PLXNA2: variants seen among roughly 807,000 people sequenced by gnomAD.
The protein encoded by PLXNA2 is plexin A2, also known as plexin-A2.
In PLXNA2, 91 loss-of-function variants were observed where a neutral mutation model predicts 193.5. The observed-to-expected ratio is 0.47, with a 90% CI of 0.40 to 0.56. PLXNA2 has a LOEUF of 0.56. PLXNA2 is among the 20% of genes least tolerant of loss of function. The pLI is 0.00. For synonymous variants in PLXNA2, 997 were observed against 1,027.3 expected, an observed-to-expected ratio of 0.97 and a Z score of 0.56; for missense variants, 1,995 against 2,503.2, an observed-to-expected ratio of 0.80 and a Z score of 4.33.
intron 3 of PLXNA2, among the ~76,000 whole-genome samples, chr1:208,174,954 C>T (rs532560550): frequency 1.3e-5 from 2 of 152,326 alleles, no homozygotes; most frequent in South Asian, 4.1e-4. Context: ...TCTGATACCT[C>T]CCTGGTGCTG....
Position 208,042,132 on chromosome 1 carries a change from C to T in PLXNA2, c.4252G>A (p.Glu1418Lys), listed in dbSNP as rs1664890277. 3 of 1,614,176 alleles carry T rather than the reference C, an allele frequency of 1.9e-6. No homozygotes were observed. Among genetic ancestry groups the T allele is most frequent in the Non-Finnish European group, 2.5e-6 (3 of 1,180,036 alleles). ...AGCAGCTTGGGGTGGTTCTTGTTCT[C>T]CAGGTTCTTATCGATGAGGTCAGAG... ...LLSDLIDKNLENKNHPKLLLR... is the reference protein window; with the variant it reads ...LLSDLIDKNLKNKNHPKLLLR... Residue 1418 changes from glutamate to lysine, a missense_variant, in exon 22 of 32, where the codon GAG (glutamate) becomes AAG (lysine). Transcript: ENST00000367033.
intron 3 of PLXNA2, among the ~76,000 whole-genome samples, chr1:208,154,453 T>C (rs1488315055): frequency 6.6e-6 from 1 of 152,192 alleles, no homozygotes; most frequent in African/African-American, 2.4e-5. Flanking sequence ...CTAGGATTCA[T>C]GTGCTGTTGG....
At chr1:208,160,786 T>A (rs1317917315) in intron 3 of PLXNA2, among the ~76,000 whole-genome samples, 1 of 152,272 alleles carries the variant, frequency 6.6e-6, no homozygotes, top group Non-Finnish European at 1.5e-5. Flanking sequence ...CTATGTCACA[T>A]AATTCATAGA....
At chr1:208,158,389 A>C (rs558730169) in intron 3 of PLXNA2, among the ~76,000 whole-genome samples, 23 of 152,134 alleles carry the variant, frequency 1.5e-4, no homozygotes, top group African/African-American at 4.8e-4. Flanking sequence ...TCTCTCATAC[A>C]TACACATGAC....
intron 3 of PLXNA2, among the ~76,000 whole-genome samples, chr1:208,182,376 T>A (rs908769508): frequency 2.0e-5 from 3 of 152,090 alleles, no homozygotes; most frequent in Non-Finnish European, 4.4e-5. Flanking sequence ...GAGGTTGCAG[T>A]GAGCCCAGAT....
intron 3 of PLXNA2, among the ~76,000 whole-genome samples, chr1:208,152,683 G>A (rs10564394): frequency 0.19 from 26,904 of 139,630 alleles, 3,704 homozygotes; most frequent in East Asian, 0.64. Flanking sequence ...ACACACACAC[G>A]CACACACACA....
At chr1:208,213,966 C>T (rs1473542335) in intron 2 of PLXNA2, among the ~76,000 whole-genome samples, 2 of 152,190 alleles carry the variant, frequency 1.3e-5, no homozygotes, top group Non-Finnish European at 2.9e-5. Flanking sequence ...TTTCCTCTGG[C>T]TCAGAAGCAG....
intron 12 of PLXNA2, among the ~76,000 whole-genome samples, chr1:208,070,461 T>C (rs748098219): frequency 1.3e-5 from 2 of 152,184 alleles, no homozygotes; most frequent in East Asian, 1.9e-4. Context: ...AATGCTGGGA[T>C]TGGGGACTAC....
rs1185841682 is a variant in PLXNA2 at position 208,043,130 on chromosome 1, G to C, written c.3948C>G (p.Asp1316Glu). Residue 1316 changes from aspartate (D) to glutamate (E), a missense_variant, in exon 21 of 32, where the codon GAC becomes GAG. By Grantham distance (45) the Asp-to-Glu change is conservative. This residue lies in a region of PLXNA2 where 1,291 missense variants were observed against 1,673.6 expected (regional missense o/e 0.77). Coordinates refer to ENST00000367033, the MANE Select transcript of PLXNA2 (RefSeq NM_025179.4). The stretch of plus-strand genomic sequence containing the variant: ...GGACTCGCATAGCGTAGGTACGATA[G>C]TCCAGGTAAGGGATTCCTGAGCGGT... ...DLDRSGIPYL[D>E]YRTYAMRVLF... The C allele has an allele frequency of 6.2e-7, 1 of 1,614,174 alleles. No individual in the cohort carries two copies. The highest frequency in any genetic ancestry group is 1.1e-5 in the South Asian group (1 of 91,086).
rs1397614074 is a variant in PLXNA2 at position 208,045,042 on chromosome 1, C to T, written c.3639+25G>A. The T allele has an allele frequency of 3.7e-6, 6 of 1,613,734 alleles. No homozygotes were observed. The African/African-American group carries it at 8.0e-5, about 22-fold the overall frequency. On this transcript the variant is annotated intron_variant, in intron 19 of 31. Coordinates refer to ENST00000367033, the MANE Select transcript of PLXNA2 (RefSeq NM_025179.4). The stretch of plus-strand genomic sequence containing the variant: ...CATGCACCACGAGGCGGGAAGGAGG[C>T]ATTACAGACGCAGGGCTCACTCACC...
chr1:208,080,147 G>C (rs761579051), intron 11 of PLXNA2, among the ~76,000 whole-genome samples: 1 of 152,116 alleles, frequency 6.6e-6, no homozygotes, highest in Non-Finnish European at 1.5e-5. Context: ...GGTTTGAGAC[G>C]GGAGTCAGCT....
intron 1 of PLXNA2, among the ~76,000 whole-genome samples, chr1:208,218,967 G>A (rs1671234369): frequency 6.6e-6 from 1 of 152,202 alleles, no homozygotes; most frequent in Non-Finnish European, 1.5e-5. Flanking sequence ...TACCAGATTT[G>A]GGAGAATGTG....
At position 208,044,482 on chromosome 1, in the gene PLXNA2, G is replaced by T; in HGVS notation, c.3874+26C>A. 2 of 1,524,484 alleles carry T rather than the reference G, an allele frequency of 1.3e-6. No individual in the cohort carries two copies. The highest frequency in any genetic ancestry group is 1.8e-6 in the Non-Finnish European group (2 of 1,098,698). The allele number at this position is 1,524,484 out of a possible 1,614,324, so 94.4% of individuals were successfully genotyped here. ...AGGCAGGTGGAGAAAGAGGGACCCA[G>T]CAAATGAGGGTGTGCTTCCACTAAC... On this transcript the variant is annotated intron_variant, in intron 20 of 31. Transcript: ENST00000367033. This position sits in a 1 kb window ranked among gnomAD's most constrained non-coding sequence, Gnocchi z 4.9.
At chr1:208,220,269 T>C (rs921705266) in intron 1 of PLXNA2, among the ~76,000 whole-genome samples, 5 of 152,222 alleles carry the variant, frequency 3.3e-5, no homozygotes, top group East Asian at 3.9e-4. Flanking sequence ...GGGAACAAAT[T>C]TGGGATTTGA....
Position 208,157,681 on chromosome 1 carries a change from T to C in PLXNA2, c.1372-15218A>G, listed in dbSNP as rs573710056. On this transcript the variant is annotated intron_variant, in intron 3 of 31. Coordinates refer to ENST00000367033, the MANE Select transcript of PLXNA2 (RefSeq NM_025179.4). The stretch of plus-strand genomic sequence containing the variant: ...AAAATTCATAGACTCCTGGGAAGAG[T>C]AGCTGTGTAAGGTTCCGGGTTCAAG... Among the ~76,000 whole-genome samples the C allele has an allele frequency of 5.9e-5, 9 of 152,130 alleles. No individual in the cohort carries two copies. In the South Asian group the frequency reaches 1.9e-3, roughly 32 times the overall value.
chr1:208,189,341 C>T (rs1670103575), intron 3 of PLXNA2, among the ~76,000 whole-genome samples: 1 of 152,042 alleles, frequency 6.6e-6, no homozygotes, highest in South Asian at 2.1e-4. Context: ...TAAACAGAGG[C>T]AGAGCAAAGA....
At chr1:208,238,410 C>T (rs1671937587) in intron 1 of PLXNA2, among the ~76,000 whole-genome samples, 1 of 152,170 alleles carries the variant, frequency 6.6e-6, no homozygotes, top group Admixed American at 6.5e-5. Flanking sequence ...CTCCCTTCCC[C>T]CTGCCCTGAC....
intron 1 of PLXNA2, among the ~76,000 whole-genome samples, chr1:208,218,512 C>G (rs910559575): frequency 3.3e-5 from 5 of 152,298 alleles, no homozygotes; most frequent in Non-Finnish European, 7.4e-5. Context: ...ACTTCCATCA[C>G]CTCACTCCGC....
At chr1:208,219,308 G>A (rs554337786) in intron 1 of PLXNA2, among the ~76,000 whole-genome samples, 6 of 152,150 alleles carry the variant, frequency 3.9e-5, no homozygotes, top group African/African-American at 1.4e-4. Flanking sequence ...AGGTCAGAGA[G>A]CAGGACCTGG....
Sources: allele counts gnomAD v4.1 joint callset (sites outside exome capture counted in the v4.1 genomes callset), GRCh38; gene constraint gnomAD v4.1.1; regional missense constraint gnomAD v4.1.1; non-coding constraint Gnocchi (gnomAD v3.1); transcripts MANE v1.5; gene names NCBI Gene and HGNC (gene_info 2026-07-23, HGNC 2026-07-21).